The following EDAR variants were observed in gnomAD, a reference collection of about 807,000 sequenced individuals.
EDAR encodes ectodysplasin A receptor.
In EDAR, 38 loss-of-function variants were observed where a neutral mutation model predicts 51.3. That is an observed-to-expected ratio of 0.74 (90% CI 0.57 to 0.97). The LOEUF (loss-of-function observed/expected upper bound fraction) is 0.97. Among genes scored for constraint, EDAR ranks in the 50% least tolerant of loss-of-function variants. The probability of loss-of-function intolerance (pLI) is 0.00; values close to 1 mark genes in which losing one functional copy is unlikely to be tolerated. For synonymous variants in EDAR, 227 were observed against 242.1 expected (o/e 0.94, Z 0.58); for missense variants, 528 against 595.0 (o/e 0.89, Z 1.17).
intron 11 of EDAR, among the ~76,000 whole-genome samples, chr2:108,898,781 A>C (rs1202718014): frequency 1.3e-5 from 2 of 152,242 alleles, no homozygotes; most frequent in Non-Finnish European, 2.9e-5. Context: ...ACAAAAGTAC[A>C]ATAACCACAA....
In EDAR at chr2:108,930,086, A is replaced by G. The variant is rs761904128; in HGVS notation, c.174+34T>C. 1.9e-5 allele frequency: 30 copies of G among 1,600,994 alleles called. 1 individual carries two copies. In the African/African-American group the frequency reaches 2.7e-4, roughly 14 times the overall value. On this transcript the variant is annotated intron_variant, in intron 3 of 11. Coordinates refer to ENST00000258443, the MANE Select transcript of EDAR (RefSeq NM_022336.4). ...CCACAAGCAGGAGGCCTCCCCTGAG[A>G]GCGCACCAGGCTCCAGGAGGGCTGG...
At chr2:108,974,893 G>C (rs958151753) in intron 1 of EDAR, among the ~76,000 whole-genome samples, 3 of 152,202 alleles carry the variant, frequency 2.0e-5, no homozygotes, top group African/African-American at 7.2e-5. Context: ...CTTGCAGTCT[G>C]CATGCTGGAG....
intron 5 of EDAR, among the ~76,000 whole-genome samples, chr2:108,913,224 C>T (rs1344085284): frequency 1.3e-5 from 2 of 151,884 alleles, no homozygotes; most frequent in Admixed American, 6.6e-5. Flanking sequence ...GCTGGGATTA[C>T]AGGCATGAGC....
chr2:108,960,176 G>A (rs944843423), intron 1 of EDAR, among the ~76,000 whole-genome samples: 1 of 152,128 alleles, frequency 6.6e-6, no homozygotes, highest in Admixed American at 6.5e-5. Flanking sequence ...AGTCTGGCCT[G>A]GGTGTCCTGG....
chr2:108,974,663 A>C (rs555169103), intron 1 of EDAR, among the ~76,000 whole-genome samples: 19 of 151,894 alleles, frequency 1.3e-4, no homozygotes, highest in Non-Finnish European at 2.2e-4. Flanking sequence ...CCGGCAGGCG[A>C]AGGTTTCAGT....
rs753781812 is a variant in EDAR at position 108,929,179 on chromosome 2, C to T, written c.356+19G>A. The T allele has an allele frequency of 3.5e-5, 57 of 1,613,536 alleles. No homozygotes were observed. Among genetic ancestry groups the T allele is most frequent in the Non-Finnish European group, 1.7e-6 (2 of 1,179,990 alleles). On this transcript the variant is annotated intron_variant, in intron 4 of 11. Transcript: ENST00000258443. ...CTGCAGAAAGCATGCCAGGGTTTGCCAGGAGGGCCTGTGCTTACCCAGGGA... is the reference window on the plus strand; with the variant it reads ...CTGCAGAAAGCATGCCAGGGTTTGCTAGGAGGGCCTGTGCTTACCCAGGGA...
chr2:108,955,902 G>T (rs1313786749), intron 1 of EDAR, among the ~76,000 whole-genome samples: 1 of 151,532 alleles, frequency 6.6e-6, no homozygotes, highest in East Asian at 2.0e-4. Flanking sequence ...GGTGGCAGGC[G>T]CCTGTAGTCC....
chr2:108,931,124 C>A, intron 1 of EDAR, 92 bp from the exon 2 acceptor site: 3 of 1,023,788 alleles, frequency 2.9e-6, no homozygotes, highest in Non-Finnish European at 4.6e-6. Context: ...ATATAAGGTG[C>A]CTTCCAGCAA....
Position 108,898,307 on chromosome 2 carries a change from G to A in EDAR, c.1025-1078C>T, listed in dbSNP as rs539730608. 1.3e-4 allele frequency among the ~76,000 whole-genome samples: 20 copies of A among 152,192 alleles called. No homozygotes were observed. The East Asian group carries it at 2.9e-3, about 22-fold the overall frequency. ...AGCTGGTAAAAACTCCTCTGCCCCC[G>A]TGGTGACCATGTCAGTAGCCATACT... On this transcript the variant is annotated intron_variant, in intron 11 of 11. Coordinates refer to ENST00000258443, the MANE Select transcript of EDAR (RefSeq NM_022336.4).
intron 5 of EDAR, among the ~76,000 whole-genome samples, chr2:108,920,385 C>T (rs1697113532): frequency 6.6e-6 from 1 of 152,220 alleles, no homozygotes; most frequent in Non-Finnish European, 1.5e-5. Context: ...AACGGGTTGA[C>T]CTCCCTGCCC....
intron 1 of EDAR, among the ~76,000 whole-genome samples, chr2:108,977,033 TC>T (rs1698334421): frequency 6.6e-6 from 1 of 152,090 alleles, no homozygotes; most frequent in South Asian, 2.1e-4. Context: ...ACCTCTGACT[TC>T]CCAGTTTGGA....
intron 1 of EDAR, among the ~76,000 whole-genome samples, chr2:108,932,689 C>G (rs1697393806): frequency 6.6e-6 from 1 of 152,078 alleles, no homozygotes; most frequent in Non-Finnish European, 1.5e-5. Context: ...TCCAAATCCC[C>G]CAGGACTTAA....
At chr2:108,902,486 C>T (rs570371692) in intron 11 of EDAR, among the ~76,000 whole-genome samples, 3 of 152,290 alleles carry the variant, frequency 2.0e-5, no homozygotes, top group East Asian at 3.9e-4. Flanking sequence ...CAATTCTACA[C>T]GATCTTTTCT....
chr2:108,955,749 G>A (rs1697909982), intron 1 of EDAR, among the ~76,000 whole-genome samples: 1 of 150,850 alleles, frequency 6.6e-6, no homozygotes, highest in Non-Finnish European at 1.5e-5. Flanking sequence ...ATTAGAGGTA[G>A]GGCGCGGTGG....
intron 4 of EDAR, among the ~76,000 whole-genome samples, chr2:108,923,819 C>A (rs1483032506): frequency 6.6e-6 from 1 of 152,248 alleles, no homozygotes; most frequent in Admixed American, 6.5e-5. Flanking sequence ...CCAACCAAGG[C>A]CAGACCTTCC....
chr2:108,945,873 G>A (rs950828897), intron 1 of EDAR, among the ~76,000 whole-genome samples: 2 of 152,146 alleles, frequency 1.3e-5, no homozygotes, highest in Non-Finnish European at 2.9e-5. Flanking sequence ...TCACAGAGAC[G>A]GAAAGTAGAA....
intron 1 of EDAR, among the ~76,000 whole-genome samples, chr2:108,960,081 C>T (rs375167110): frequency 6.6e-6 from 1 of 152,288 alleles, no homozygotes; most frequent in African/African-American, 2.4e-5. Context: ...GGGTGCTGGC[C>T]TGTCCACCCT....
At chr2:108,943,899 C>T (rs1418046219) in intron 1 of EDAR, among the ~76,000 whole-genome samples, 1 of 152,228 alleles carries the variant, frequency 6.6e-6, no homozygotes, top group East Asian at 1.9e-4. Flanking sequence ...TTTCCACCCA[C>T]TGCACCTCAG....
chr2:108,926,822 G>A (rs949729293), intron 4 of EDAR, among the ~76,000 whole-genome samples: 5 of 152,342 alleles, frequency 3.3e-5, no homozygotes, highest in African/African-American at 1.2e-4. Flanking sequence ...AAGGCAATCC[G>A]CATCCACAGC....
Sources: gnomAD v4.1 joint callset for allele counts (sites outside exome capture counted in the v4.1 genomes callset) on GRCh38, gnomAD v4.1.1 for gene constraint, MANE v1.5 for transcripts, NCBI Gene and HGNC (gene_info 2026-07-23, HGNC 2026-07-21) for gene names.